The following TDRD9 variants were observed in gnomAD, a reference collection of about 807,000 sequenced individuals.
TDRD9 encodes tudor domain containing 9.
Under a neutral mutation model 172.6 loss-of-function variants are expected in TDRD9, and 124 were observed. The observed-to-expected ratio is 0.72, with a 90% CI of 0.62 to 0.83. The LOEUF (loss-of-function observed/expected upper bound fraction) is 0.83, where lower values mean the gene tolerates loss of function less well. TDRD9 is among the 40% of genes least tolerant of loss of function. TDRD9 has a pLI of 0.00. For synonymous variants in TDRD9, 619 were observed against 617.1 expected, an observed-to-expected ratio of 1.00 and a Z score of -0.05; for missense variants, 1,479 against 1,714.1, an observed-to-expected ratio of 0.86 and a Z score of 2.42.
At chr14:104,048,977 A>G (rs2140939798) in intron 34 of TDRD9, among the ~76,000 whole-genome samples, 1 of 152,254 alleles carries the variant, frequency 6.6e-6, no homozygotes, top group Admixed American at 6.5e-5. Context: ...CCCCAGCAAG[A>G]ACTCCACATA....
chr14:103,986,232 C>A lies in TDRD9; in HGVS notation c.1027C>A (p.Leu343Met). 1 of 1,612,688 alleles carries A rather than the reference C, an allele frequency of 6.2e-7. No homozygotes were observed. The part of the protein sequence containing the change: ...IHHSKLSPHL[L>M]EEPVITKDIY... ...CTGTTTTTAGCTCTCTCCTCATCTC[C>A]TGGAGGAACCGGTGATAACTAAGGA... The change falls in exon 8 of 36, where the codon CTG (leucine) becomes ATG (methionine). Residue 343 changes from leucine (L) to methionine (M), a missense_variant. Leu to Met is a conservative substitution (Grantham distance 15). This residue lies in a region of TDRD9 where 1,413 missense variants were observed against 1,649.1 expected (regional missense o/e 0.86). Coordinates refer to ENST00000409874, the MANE Select transcript of TDRD9 (RefSeq NM_153046.3).
At position 103,950,090 on chromosome 14, in the gene TDRD9, CT is replaced by C. The variant is rs58379140; in HGVS notation, c.216-5556del. Among the ~76,000 whole-genome samples the C allele has an allele frequency of 5.1e-3, 557 of 108,420 alleles. 2 individuals carry two copies. The highest frequency in any genetic ancestry group is 7.0e-3 in the Non-Finnish European group (395 of 56,612). 71.1% of individuals were successfully genotyped at this position (108,420 alleles called of 152,430 possible). ...GGGCCCTGCCCTCTTTCCTTCCTTC[CT>C]TTTTTTTTTTTTTTTTTGATGGAGT... is the stretch of plus-strand genomic sequence containing the variant. On this transcript the variant is annotated intron_variant, in intron 1 of 35. Transcript: ENST00000409874.
intron 6 of TDRD9, among the ~76,000 whole-genome samples, chr14:103,971,591 A>T (rs2033035369): frequency 6.6e-6 from 1 of 152,166 alleles, no homozygotes; most frequent in Non-Finnish European, 1.5e-5. Context: ...GATGTGAGCC[A>T]CTGCACTTGG....
At chr14:103,965,760 C>T (rs1204212593) in intron 4 of TDRD9, among the ~76,000 whole-genome samples, 1 of 151,944 alleles carries the variant, frequency 6.6e-6, no homozygotes, top group Non-Finnish European at 1.5e-5. Flanking sequence ...GCCTGGCCAA[C>T]ATGGTGAAAC....
intron 30 of TDRD9, among the ~76,000 whole-genome samples, chr14:104,032,476 A>C (rs1003546603): frequency 1.3e-5 from 2 of 152,192 alleles, no homozygotes; most frequent in Non-Finnish European, 2.9e-5. Flanking sequence ...AAGTGCTGGG[A>C]TTACAGGCGT....
In TDRD9 at chr14:103,997,343, G is replaced by T. The variant is rs994139890; in HGVS notation, c.1379-1281G>T. 1.8e-4 allele frequency among the ~76,000 whole-genome samples: 27 copies of T among 152,304 alleles called. No individual in the cohort carries two copies. The highest frequency in any genetic ancestry group is 6.5e-4 in the African/African-American group (27 of 41,572). On this transcript the variant is annotated intron_variant, in intron 12 of 35. Coordinates refer to ENST00000409874, the MANE Select transcript of TDRD9 (RefSeq NM_153046.3). The surrounding 1 kb of genome is among the most constrained non-coding windows in gnomAD (Gnocchi z 5.1). ...AGATTCTGAAGGCAGAGCTGGGGAG[G>T]ATGTGCTGAGGTCTCTGATGGAGAA...
intron 34 of TDRD9, among the ~76,000 whole-genome samples, chr14:104,044,152 AGT>A (rs1417366782): frequency 6.6e-6 from 1 of 152,150 alleles, no homozygotes; most frequent in Non-Finnish European, 1.5e-5. Context: ...GACCGCTGCC[AGT>A]CACTAGAGCT....
rs1566723230 is a variant in TDRD9 at position 103,938,429 on chromosome 14, TATATA to T, written c.215+9706_215+9710del. On this transcript the variant is annotated intron_variant, in intron 1 of 35. Transcript: ENST00000409874. Reference sequence around the variant, plus strand: ...GTGTGTGTGTGTATATATATATATATATATATATATATTTTTTTTTTTTTTTTGAG... The same window carrying T: ...GTGTGTGTGTGTATATATATATATATTATATATTTTTTTTTTTTTTTTGAG... Among the ~76,000 whole-genome samples, 7 of 60,740 alleles carry T rather than the reference TATATA, an allele frequency of 1.2e-4. 1 individual carries two copies. The highest frequency in any genetic ancestry group is 4.2e-4 in the African/African-American group (7 of 16,528). 39.8% of individuals were successfully genotyped at this position (60,740 alleles called of 152,430 possible).
At chr14:103,994,741 A>C (rs1286604833) in intron 11 of TDRD9, 138 bp downstream of exon 11, 3 of 667,452 alleles carry the variant, frequency 4.5e-6, no homozygotes, top group Non-Finnish European at 7.6e-6. Context: ...TGGGTGAATC[A>C]TTTGAGCTCA....
At chr14:103,931,188 A>G (rs575013401) in intron 1 of TDRD9, among the ~76,000 whole-genome samples, 1 of 151,866 alleles carries the variant, frequency 6.6e-6, no homozygotes, top group East Asian at 1.9e-4. Context: ...CGCCCCAGCT[A>G]CTCAGGAGGC....
chr14:104,028,376 G>A (rs558060175), intron 28 of TDRD9, among the ~76,000 whole-genome samples: 80 of 152,140 alleles, frequency 5.3e-4, no homozygotes, highest in African/African-American at 1.8e-3. Context: ...TTTGATAATA[G>A]CCATTCTAAC....
At chr14:104,012,514 C>CTT (rs34438756) in intron 20 of TDRD9, among the ~76,000 whole-genome samples, 4 of 142,016 alleles carry the variant, frequency 2.8e-5, no homozygotes, top group Admixed American at 7.0e-5. Flanking sequence ...TAAATCATTG[C>CTT]TTTTTTTTTT....
At chr14:104,047,220 A>T (rs1488574893) in intron 34 of TDRD9, among the ~76,000 whole-genome samples, 1 of 152,204 alleles carries the variant, frequency 6.6e-6, no homozygotes, top group Non-Finnish European at 1.5e-5. Flanking sequence ...AGTTGTTTCT[A>T]AATATTTTAG....
chr14:104,028,446 TG>T (rs1399216974), intron 28 of TDRD9, among the ~76,000 whole-genome samples: 1 of 152,210 alleles, frequency 6.6e-6, no homozygotes, highest in East Asian at 1.9e-4. Flanking sequence ...TAATTAGTGA[TG>T]TTGATCATTT....
rs1156773490 is a variant in TDRD9 at position 103,950,111 on chromosome 14, T to TG, written c.216-5551dup. Among the ~76,000 whole-genome samples the TG allele has an allele frequency of 7.0e-4, 90 of 128,078 alleles. 2 individuals are homozygous for TG. The South Asian group carries it at 0.012, about 17-fold the overall frequency. 84.0% of individuals were successfully genotyped at this position (128,078 alleles called of 152,430 possible). On this transcript the variant is annotated intron_variant, in intron 1 of 35. Coordinates refer to ENST00000409874, the MANE Select transcript of TDRD9 (RefSeq NM_153046.3). ...CTTCCTTTTTTTTTTTTTTTTTTGATGGAGTTTCGCTCTTGTTGCCCAGGC... is the reference window on the plus strand; with the variant it reads ...CTTCCTTTTTTTTTTTTTTTTTTGATGGGAGTTTCGCTCTTGTTGCCCAGGC...
chr14:103,960,587 T>C (rs1020189818), intron 2 of TDRD9, among the ~76,000 whole-genome samples: 9 of 152,254 alleles, frequency 5.9e-5, no homozygotes, highest in African/African-American at 2.2e-4. Flanking sequence ...GATGCAAAGG[T>C]GCGAGAGCCA....
At chr14:104,014,632 A>G in intron 20 of TDRD9, 93 bp from the exon 21 acceptor site, 1 of 695,718 alleles carries the variant, frequency 1.4e-6, no homozygotes, top group Non-Finnish European at 2.6e-6. Flanking sequence ...CTGTGTTTAT[A>G]CTTTACCCGT....
chr14:103,963,026 T>C, intron 2 of TDRD9, 53 bp from the exon 3 acceptor site: 1 of 1,057,674 alleles, frequency 9.5e-7, no homozygotes. Context: ...CATTGAGTTA[T>C]CTTTTTCCAG....
At chr14:103,950,923 G>T (rs2031841759) in intron 1 of TDRD9, among the ~76,000 whole-genome samples, 1 of 152,176 alleles carries the variant, frequency 6.6e-6, no homozygotes, top group Admixed American at 6.5e-5. Context: ...CATCTGCCCA[G>T]CCACTGCTTG....
Sources: gnomAD v4.1 joint callset for allele counts (sites outside exome capture counted in the v4.1 genomes callset) on GRCh38, gnomAD v4.1.1 for gene constraint, gnomAD v4.1.1 regional missense constraint, Gnocchi (gnomAD v3.1) non-coding constraint, MANE v1.5 for transcripts, NCBI Gene and HGNC (gene_info 2026-07-23, HGNC 2026-07-21) for gene names.